The following ZNF367 variants were observed in gnomAD, a reference collection of about 807,000 sequenced individuals.
ZNF367 encodes zinc finger protein 367.
Under a neutral mutation model 31.8 loss-of-function variants are expected in ZNF367, and 11 were observed. The observed-to-expected ratio is 0.35, with a 90% CI of 0.22 to 0.57. ZNF367 has a LOEUF of 0.57. Ranked by LOEUF, ZNF367 falls within the 20% of genes least tolerant of loss-of-function variation. ZNF367 has a pLI of 0.85. For missense variants in ZNF367, 353 were observed against 484.1 expected (o/e 0.73, Z 2.54); for synonymous variants, 199 against 202.4 (o/e 0.98, Z 0.14).
intron 3 of ZNF367, among the ~76,000 whole-genome samples, chr9:96,394,142 C>T (rs1039464049): frequency 2.6e-5 from 4 of 152,166 alleles, no homozygotes; most frequent in African/African-American, 7.2e-5. Flanking sequence ...TTTCTACTGC[C>T]TACAACTGGA....
At chr9:96,392,583 CAT>C (rs1831485053) in intron 3 of ZNF367, 47 bp from the exon 4 acceptor site, 2 of 1,542,620 alleles carry the variant, frequency 1.3e-6, no homozygotes, top group Admixed American at 4.0e-5. Context: ...ACATCCAGCA[CAT>C]AGACATGTGG....
chr9:96,389,015 T>G (rs1587740518), intron 4 of ZNF367, among the ~76,000 whole-genome samples: 1 of 152,196 alleles, frequency 6.6e-6, no homozygotes, highest in Non-Finnish European at 1.5e-5. Context: ...AATGAGTATT[T>G]AGGCTGGGCG....
intron 1 of ZNF367, among the ~76,000 whole-genome samples, chr9:96,414,944 T>C (rs1831798492): frequency 6.6e-6 from 1 of 152,208 alleles, no homozygotes; most frequent in South Asian, 2.1e-4. Context: ...CAAGAACTTA[T>C]GAATGTATGC....
At position 96,388,412 on chromosome 9, in the gene ZNF367, A is replaced by C; in HGVS notation, c.878T>G (p.Leu293Arg). 6.2e-7 allele frequency: 1 copy of C among 1,614,052 alleles called. No homozygotes were observed. The highest frequency in any genetic ancestry group is 8.5e-7 in the Non-Finnish European group (1 of 1,180,044). Residue 293 changes from leucine to arginine, a missense_variant, in exon 5 of 5, where the codon CTG becomes CGG. By Grantham distance (102) the Leu-to-Arg change is moderately radical. Coordinates refer to ENST00000375256, the MANE Select transcript of ZNF367 (RefSeq NM_153695.4). ...EQRTPTLKGK[L>R]VQKADQEQQD... ...CTGCTCCTGATCAGCCTTCTGAACC[A>C]GCTTGCCTTTCAAAGTGGGGGTGCG... is the stretch of plus-strand genomic sequence containing the variant.
intron 1 of ZNF367, among the ~76,000 whole-genome samples, chr9:96,405,337 A>AAG (rs60465556): frequency 6.7e-6 from 1 of 149,918 alleles, no homozygotes; most frequent in African/African-American, 2.5e-5. Context: ...AAAAAAAAAA[A>AAG]TCCTCAAAAT....
intron 1 of ZNF367, among the ~76,000 whole-genome samples, chr9:96,401,528 A>C (rs1831603853): frequency 6.6e-6 from 1 of 151,998 alleles, no homozygotes; most frequent in Non-Finnish European, 1.5e-5. Flanking sequence ...ATGGTGGTGC[A>C]TGCCTGTAAT....
At chr9:96,408,722 G>A (rs1564144060) in intron 1 of ZNF367, among the ~76,000 whole-genome samples, 1 of 152,166 alleles carries the variant, frequency 6.6e-6, no homozygotes, top group East Asian at 1.9e-4. Flanking sequence ...CTACTGTACT[G>A]TATACTTAAA....
Position 96,417,952 on chromosome 9 carries a change from CG to C in ZNF367, c.80del (p.Pro27ArgfsTer54). On this transcript the variant is annotated frameshift_variant, in exon 1 of 5. Transcript: ENST00000375256. LOFTEE classifies it high-confidence loss of function. This position sits in a 1 kb window ranked among gnomAD's most constrained non-coding sequence, Gnocchi z 5.0. ...PPPVIFCHDS[P>X]KRVLVSVIRT... Reference sequence around the variant, plus strand: ...TGATGACCGACACCAGCACCCGCTTCGGGGAGTCGTGGCAGAAGATGACGGG... The same window carrying C: ...TGATGACCGACACCAGCACCCGCTTCGGGAGTCGTGGCAGAAGATGACGGG... 1.3e-6 allele frequency: 2 copies of C among 1,496,094 alleles called. No individual in the cohort carries two copies. Among genetic ancestry groups the C allele is most frequent in the Admixed American group, 2.3e-5 (1 of 44,352 alleles). 92.7% of individuals were successfully genotyped at this position (1,496,094 alleles called of 1,614,324 possible).
At chr9:96,407,066 T>G (rs1831679980) in intron 1 of ZNF367, among the ~76,000 whole-genome samples, 1 of 138,986 alleles carries the variant, frequency 7.2e-6, no homozygotes, top group Admixed American at 7.2e-5. Context: ...ACATCTGTAA[T>G]CCTAGCACTT....
intron 1 of ZNF367, among the ~76,000 whole-genome samples, chr9:96,401,328 C>A (rs1347718027): frequency 2.0e-5 from 3 of 152,108 alleles, no homozygotes; most frequent in African/African-American, 7.2e-5. Flanking sequence ...GAGCTCGAGA[C>A]CGGCCTGACC....
intron 1 of ZNF367, among the ~76,000 whole-genome samples, chr9:96,401,990 C>A (rs1732624297): frequency 6.8e-6 from 1 of 147,394 alleles, no homozygotes; most frequent in African/African-American, 2.5e-5. Context: ...CAGAGCAAGA[C>A]CCTATCTCTT....
intron 1 of ZNF367, among the ~76,000 whole-genome samples, chr9:96,416,247 C>T (rs1328248702): frequency 1.3e-5 from 2 of 152,038 alleles, no homozygotes; most frequent in African/African-American, 2.4e-5. Context: ...CCACCAAGCC[C>T]GGCTAATTTT....
intron 1 of ZNF367, among the ~76,000 whole-genome samples, chr9:96,405,190 C>T (rs1374841382): frequency 6.6e-6 from 1 of 151,628 alleles, no homozygotes; most frequent in South Asian, 2.1e-4. Context: ...GGCATGATGG[C>T]GAGTGCCTGT....
intron 4 of ZNF367, 185 bp downstream of exon 4, chr9:96,392,213 A>C: frequency 1.3e-6 from 1 of 783,384 alleles, no homozygotes; most frequent in Non-Finnish European, 2.0e-6. Flanking sequence ...TTTCTATCAC[A>C]CACAGATCCT....
chr9:96,396,554 A>T (rs955843848), intron 2 of ZNF367, among the ~76,000 whole-genome samples: 5 of 152,200 alleles, frequency 3.3e-5, no homozygotes, highest in African/African-American at 7.2e-5. Flanking sequence ...GGTGGAAAAA[A>T]ATAGGGGACT....
chr9:96,399,151 G>C (rs1831569152), intron 1 of ZNF367, among the ~76,000 whole-genome samples: 1 of 152,038 alleles, frequency 6.6e-6, no homozygotes, highest in South Asian at 2.1e-4. Flanking sequence ...TATGCCCAGG[G>C]CAGGAAGCAT....
At chr9:96,390,884 GA>G (rs34868065) in intron 4 of ZNF367, among the ~76,000 whole-genome samples, 11,334 of 56,438 alleles carry the variant, frequency 0.2, 483 homozygotes, top group African/African-American at 0.31. Flanking sequence ...ACCCTGTCTC[GA>G]AAAAAAAAAA....
chr9:96,402,444 C>CTTTTTTTTTTTTTTTT (rs1174997133), intron 1 of ZNF367, among the ~76,000 whole-genome samples: 6 of 66,094 alleles, frequency 9.1e-5, no homozygotes, highest in Non-Finnish European at 1.3e-4. Flanking sequence ...TTCTTTCTTT[C>CTTTTTTTTTTTTTTTT]TTTTTTTTTT....
chr9:96,401,532 C>G (rs1831603945), intron 1 of ZNF367, among the ~76,000 whole-genome samples: 1 of 152,016 alleles, frequency 6.6e-6, no homozygotes, highest in African/African-American at 2.4e-5. Context: ...TGGTGCATGC[C>G]TGTAATCCCA....
Sources: gnomAD v4.1 joint callset for allele counts (sites outside exome capture counted in the v4.1 genomes callset) on GRCh38, gnomAD v4.1.1 for gene constraint, Gnocchi (gnomAD v3.1) non-coding constraint, MANE v1.5 for transcripts, NCBI Gene and HGNC (gene_info 2026-07-23, HGNC 2026-07-21) for gene names.